The following EXOC4 variants were observed in gnomAD, a reference collection of about 807,000 sequenced individuals.
The protein encoded by EXOC4 is SEC8-like 1.
Under a neutral mutation model 107.2 loss-of-function variants are expected in EXOC4, and 71 were observed. That is an observed-to-expected ratio of 0.66 (90% CI 0.55 to 0.81). The LOEUF (loss-of-function observed/expected upper bound fraction) is 0.81. Among genes scored for constraint, EXOC4 ranks in the 30% least tolerant of loss-of-function variants. EXOC4 has a pLI of 0.00. For synonymous variants in EXOC4, 456 were observed against 441.2 expected (o/e 1.03, Z -0.42); for missense variants, 1,108 against 1,189.6 (o/e 0.93, Z 1.01).
At chr7:133,634,985 C>T (rs923260400) in intron 10 of EXOC4, among the ~76,000 whole-genome samples, 9 of 151,728 alleles carry the variant, frequency 5.9e-5, no homozygotes, top group South Asian at 2.1e-4. Flanking sequence ...ACTTTTAAGA[C>T]GAATGAATTC....
chr7:133,569,502 A>G (rs1009084493), intron 9 of EXOC4, among the ~76,000 whole-genome samples: 2 of 152,226 alleles, frequency 1.3e-5, no homozygotes, highest in African/African-American at 4.8e-5. Flanking sequence ...GAAAGATATG[A>G]AAGTCTTTTA....
intron 17 of EXOC4, among the ~76,000 whole-genome samples, chr7:134,038,750 C>T (rs2116516364): frequency 6.6e-6 from 1 of 152,292 alleles, no homozygotes; most frequent in East Asian, 1.9e-4. Flanking sequence ...AGCCACACCA[C>T]AGGCTGCTCC....
intron 9 of EXOC4, among the ~76,000 whole-genome samples, chr7:133,576,050 C>T (rs1801120092): frequency 6.6e-6 from 1 of 152,208 alleles, no homozygotes; most frequent in Non-Finnish European, 1.5e-5. Flanking sequence ...ACTGCCAGCA[C>T]TTTTCTTATT....
chr7:133,845,532 T>G (rs1798109624), intron 11 of EXOC4, among the ~76,000 whole-genome samples: 1 of 151,950 alleles, frequency 6.6e-6, no homozygotes, highest in Non-Finnish European at 1.5e-5. Context: ...CAGTATTTGC[T>G]TCTCTTAGAA....
intron 13 of EXOC4, among the ~76,000 whole-genome samples, chr7:133,936,618 TC>T (rs1044206040): frequency 6.6e-6 from 1 of 152,180 alleles, no homozygotes; most frequent in African/African-American, 2.4e-5. Flanking sequence ...TTGATTTTTT[TC>T]CCCTAACATT....
intron 7 of EXOC4, among the ~76,000 whole-genome samples, chr7:133,407,541 G>T (rs1797249849): frequency 6.6e-6 from 1 of 152,276 alleles, no homozygotes; most frequent in South Asian, 2.1e-4. Flanking sequence ...AAAGGTAAAA[G>T]AAGGGGATAT....
At chr7:133,348,696 T>C (rs1795841344) in intron 5 of EXOC4, among the ~76,000 whole-genome samples, 1 of 152,196 alleles carries the variant, frequency 6.6e-6, no homozygotes, top group African/African-American at 2.4e-5. Flanking sequence ...TAAATACTTT[T>C]CTCTCCTTGC....
At position 133,677,301 on chromosome 7, in the gene EXOC4, A is replaced by C. The variant is rs201137207; in HGVS notation, c.1514+47160A>C. Among the ~76,000 whole-genome samples the C allele has an allele frequency of 1.7e-4, 26 of 152,206 alleles. No homozygotes were observed. The East Asian group carries it at 4.6e-3, about 27-fold the overall frequency. ...TGTCATTCCATAAGCCTTCTACCAA[A>C]TCCATGGGTCAAAGTGCCGTATGCA... On this transcript the variant is annotated intron_variant, in intron 10 of 17. Coordinates refer to ENST00000253861, the MANE Select transcript of EXOC4 (RefSeq NM_021807.4).
At chr7:133,665,139 TGTA>T (rs1465859427) in intron 10 of EXOC4, among the ~76,000 whole-genome samples, 6 of 152,192 alleles carry the variant, frequency 3.9e-5, no homozygotes, top group Non-Finnish European at 7.4e-5. Flanking sequence ...TATTTTTACT[TGTA>T]GACACTTACA....
At chr7:133,913,301 A>G (rs1799736644) in intron 12 of EXOC4, among the ~76,000 whole-genome samples, 1 of 152,234 alleles carries the variant, frequency 6.6e-6, no homozygotes, top group African/African-American at 2.4e-5. Flanking sequence ...ACCTGGAATT[A>G]GAAGTCACTG....
chr7:133,932,403 T>G (rs1325951680), intron 13 of EXOC4, among the ~76,000 whole-genome samples: 1 of 152,180 alleles, frequency 6.6e-6, no homozygotes, highest in Non-Finnish European at 1.5e-5. Flanking sequence ...TCTCACTTCT[T>G]ATTTGTTCCC....
intron 10 of EXOC4, among the ~76,000 whole-genome samples, chr7:133,723,272 G>A (rs1795143663): frequency 6.6e-6 from 1 of 152,208 alleles, no homozygotes; most frequent in Non-Finnish European, 1.5e-5. Flanking sequence ...GCACTAGCTG[G>A]CGCCTTTGGG....
intron 14 of EXOC4, among the ~76,000 whole-genome samples, chr7:133,956,972 A>G (rs1472712820): frequency 6.6e-6 from 1 of 152,150 alleles, no homozygotes; most frequent in Non-Finnish European, 1.5e-5. Flanking sequence ...TCCACGTGAT[A>G]ATACCATTGA....
chr7:133,932,911 GGAGAGA>G lies in EXOC4; in HGVS notation c.2028-4962_2028-4957del, dbSNP rs10561566. Among the ~76,000 whole-genome samples, 345 of 149,384 alleles carry G rather than the reference GGAGAGA, an allele frequency of 2.3e-3. 3 individuals are homozygous for G. The highest frequency in any genetic ancestry group is 0.023 in the East Asian group (116 of 5,068). On this transcript the variant is annotated intron_variant, in intron 13 of 17. Transcript: ENST00000253861. ...ATGAAAGATTTGGGGAATAGGACCA[GGAGAGA>G]GAGAGAGAGAGAGAGAGGGAGAGAA...
chr7:133,777,039 A>G (rs12532907), intron 10 of EXOC4, among the ~76,000 whole-genome samples: 150,235 of 152,246 alleles, frequency 0.99, 74,168 homozygotes, highest in Middle Eastern at 1. Context: ...ACCATTTGAG[A>G]GCCAAGAGAA....
intron 11 of EXOC4, among the ~76,000 whole-genome samples, chr7:133,862,217 C>T (rs1201783264): frequency 2.0e-5 from 3 of 150,064 alleles, no homozygotes; most frequent in African/African-American, 4.9e-5. Context: ...CTAGGTCGGG[C>T]GTGGTGGTTC....
intron 5 of EXOC4, among the ~76,000 whole-genome samples, chr7:133,341,412 G>C (rs940192581): frequency 6.6e-6 from 1 of 151,984 alleles, no homozygotes; most frequent in African/African-American, 2.4e-5. Context: ...ATATAATTTC[G>C]ATTTTCTTAA....
intron 10 of EXOC4, among the ~76,000 whole-genome samples, chr7:133,673,750 G>A (rs753692176): frequency 3.3e-5 from 5 of 152,148 alleles, no homozygotes; most frequent in African/African-American, 4.8e-5. Context: ...TTAAGATGTT[G>A]ATTATAGGTC....
At chr7:133,831,722 AATGTTT>A (rs1425940311) in intron 11 of EXOC4, among the ~76,000 whole-genome samples, 1 of 152,074 alleles carries the variant, frequency 6.6e-6, no homozygotes, top group Non-Finnish European at 1.5e-5. Context: ...GGAGTTTTAG[AATGTTT>A]CTTGTAACTT....
Sources: allele counts gnomAD v4.1 joint callset (sites outside exome capture counted in the v4.1 genomes callset), GRCh38; gene constraint gnomAD v4.1.1; transcripts MANE v1.5; gene names NCBI Gene and HGNC (gene_info 2026-07-23, HGNC 2026-07-21).